The following ZNF385B variants were observed in gnomAD, a reference collection of about 807,000 sequenced individuals.
ZNF385B encodes the protein zinc finger protein 533.
A neutral mutation model predicts 39.2 loss-of-function variants in ZNF385B; 23 were observed. The ratio of observed to expected loss-of-function variants is 0.59; its 90% confidence interval spans 0.42 to 0.83. The LOEUF (loss-of-function observed/expected upper bound fraction) is 0.83. ZNF385B is among the 40% of genes least tolerant of loss of function. The pLI is 0.00. For missense variants in ZNF385B, 552 were observed against 598.9 expected (o/e 0.92, Z 0.82); for synonymous variants, 205 against 222.6 (o/e 0.92, Z 0.70).
intron 6 of ZNF385B, among the ~76,000 whole-genome samples, chr2:179,471,990 C>A (rs970943589): frequency 3.3e-5 from 5 of 152,158 alleles, no homozygotes; most frequent in Admixed American, 6.5e-5. Context: ...TTCATTGATA[C>A]GAATGCTACA....
intron 3 of ZNF385B, among the ~76,000 whole-genome samples, chr2:179,599,975 G>C (rs1055412898): frequency 6.6e-6 from 1 of 152,180 alleles, no homozygotes; most frequent in Non-Finnish European, 1.5e-5. Flanking sequence ...ATGGTACATG[G>C]ATTGCGTTAA....
intron 3 of ZNF385B, among the ~76,000 whole-genome samples, chr2:179,631,782 G>T (rs896292332): frequency 6.6e-6 from 1 of 152,104 alleles, no homozygotes; most frequent in African/African-American, 2.4e-5. Flanking sequence ...CCCAGCTCAT[G>T]TGCAAACTCA....
chr2:179,578,280 G>C (rs1194940253), intron 3 of ZNF385B, among the ~76,000 whole-genome samples: 1 of 152,116 alleles, frequency 6.6e-6, no homozygotes, highest in East Asian at 1.9e-4. Flanking sequence ...TTAAGAGGTA[G>C]TTGGGAAAAG....
At chr2:179,794,749 A>G (rs1479573849) in intron 1 of ZNF385B, among the ~76,000 whole-genome samples, 1 of 152,118 alleles carries the variant, frequency 6.6e-6, no homozygotes, top group Non-Finnish European at 1.5e-5. Flanking sequence ...ATCTGCAATC[A>G]TAATAGAGGA....
chr2:179,493,260 A>C (rs915246127), intron 5 of ZNF385B, among the ~76,000 whole-genome samples: 1 of 151,998 alleles, frequency 6.6e-6, no homozygotes, highest in Non-Finnish European at 1.5e-5. Flanking sequence ...GACTTCTAGG[A>C]GCTTATAATC....
At chr2:179,843,290 G>C (rs1708636609) in intron 1 of ZNF385B, among the ~76,000 whole-genome samples, 1 of 152,168 alleles carries the variant, frequency 6.6e-6, no homozygotes, top group Middle Eastern at 3.2e-3. Context: ...TATGTGGAAA[G>C]GGAAAAGAAG....
chr2:179,761,756 C>CTTTTTTTTTTTT (rs1420842226), intron 3 of ZNF385B, among the ~76,000 whole-genome samples: 44 of 109,538 alleles, frequency 4.0e-4, no homozygotes, highest in Middle Eastern at 4.6e-3. Context: ...CATTTTTTTT[C>CTTTTTTTTTTTT]TTTTCTTTTT....
intron 1 of ZNF385B, among the ~76,000 whole-genome samples, chr2:179,854,615 A>C (rs878856225): frequency 2.0e-5 from 3 of 152,150 alleles, no homozygotes; most frequent in Admixed American, 2.0e-4. Flanking sequence ...AGACGATGAA[A>C]ACCTTATTTA....
intron 1 of ZNF385B, among the ~76,000 whole-genome samples, chr2:179,842,552 T>C (rs1401624820): frequency 1.3e-5 from 2 of 152,120 alleles, no homozygotes; most frequent in Admixed American, 1.3e-4. Context: ...GAAACTCTGG[T>C]GTGCTTCTCC....
chr2:179,785,642 C>T (rs74869081), intron 1 of ZNF385B, among the ~76,000 whole-genome samples: 3 of 151,926 alleles, frequency 2.0e-5, no homozygotes, highest in South Asian at 4.1e-4. Context: ...GCAGGCGTGA[C>T]GGAAATAGCA....
intron 3 of ZNF385B, among the ~76,000 whole-genome samples, chr2:179,764,939 T>C (rs1029117654): frequency 1.3e-5 from 2 of 152,200 alleles, no homozygotes; most frequent in African/African-American, 2.4e-5. Context: ...AATTGAAACA[T>C]CAGCTCCTCT....
chr2:179,726,707 G>A (rs1387625511), intron 3 of ZNF385B, among the ~76,000 whole-genome samples: 2 of 151,908 alleles, frequency 1.3e-5, no homozygotes, highest in African/African-American at 4.8e-5. Flanking sequence ...AAAAATTGTG[G>A]GCTACTTCTG....
rs563248446 is a variant in ZNF385B, at chr2:179,627,515, T to C, written c.299-82546A>G. ...GAGGGTTCACTTTAGAGCTGGGATC[T>C]TACCCAAGATCCATAATGTGATTCC... On this transcript the variant is annotated intron_variant, in intron 3 of 9. Coordinates refer to ENST00000410066, the MANE Select transcript of ZNF385B (RefSeq NM_152520.6). Among the ~76,000 whole-genome samples, 44 of 152,292 alleles carry C rather than the reference T, an allele frequency of 2.9e-4. 1 individual carries two copies. Among genetic ancestry groups the C allele is most frequent in the African/African-American group, 1.1e-3 (44 of 41,566 alleles).
chr2:179,676,152 G>T (rs1038607155), intron 3 of ZNF385B, among the ~76,000 whole-genome samples: 1 of 150,024 alleles, frequency 6.7e-6, no homozygotes, highest in South Asian at 2.1e-4. Flanking sequence ...GCAGTGGCAC[G>T]ATCTCTGCTC....
At chr2:179,638,394 G>A (rs183845423) in intron 3 of ZNF385B, among the ~76,000 whole-genome samples, 31 of 152,222 alleles carry the variant, frequency 2.0e-4, no homozygotes, top group African/African-American at 7.0e-4. Context: ...TTTCGAATCT[G>A]GCTCAGTAAG....
intron 3 of ZNF385B, among the ~76,000 whole-genome samples, chr2:179,714,149 G>C (rs780979950): frequency 3.9e-5 from 6 of 152,178 alleles, no homozygotes; most frequent in Non-Finnish European, 8.8e-5. Flanking sequence ...TAAGGCATAG[G>C]AGGAGGAATA....
At chr2:179,856,997 G>A (rs1684657137) in intron 1 of ZNF385B, among the ~76,000 whole-genome samples, 1 of 152,258 alleles carries the variant, frequency 6.6e-6, no homozygotes, top group East Asian at 1.9e-4. Flanking sequence ...CGTGGTTCAA[G>A]GATCACCTAT....
At chr2:179,524,379 C>T (rs1035010272) in intron 4 of ZNF385B, among the ~76,000 whole-genome samples, 12 of 151,188 alleles carry the variant, frequency 7.9e-5, no homozygotes, top group African/African-American at 2.4e-4. Flanking sequence ...GGTAAAACCC[C>T]GTCTCTACTA....
intron 1 of ZNF385B, among the ~76,000 whole-genome samples, chr2:179,837,334 A>G (rs1040906937): frequency 1.1e-4 from 16 of 152,180 alleles, no homozygotes; most frequent in African/African-American, 3.4e-4. Context: ...TTTCTTTTAT[A>G]TTTTTGGTAA....
Sources: gnomAD v4.1 joint callset for allele counts (sites outside exome capture counted in the v4.1 genomes callset) on GRCh38, gnomAD v4.1.1 for gene constraint, MANE v1.5 for transcripts, NCBI Gene and HGNC (gene_info 2026-07-23, HGNC 2026-07-21) for gene names.